ZNF385D: variants seen among roughly 807,000 people sequenced by gnomAD.
The protein encoded by ZNF385D is zinc finger protein 659.
Under a neutral mutation model 35.8 loss-of-function variants are expected in ZNF385D, and 15 were observed. That is an observed-to-expected ratio of 0.42 (90% CI 0.28 to 0.64). The LOEUF is 0.64. Among genes scored for constraint, ZNF385D ranks in the 30% least tolerant of loss-of-function variants. ZNF385D has a pLI of 0.23. For missense variants in ZNF385D, 474 were observed against 494.6 expected, an observed-to-expected ratio of 0.96 and a Z score of 0.39; for synonymous variants, 212 against 186.8, an observed-to-expected ratio of 1.13 and a Z score of -1.10.
At chr3:22,123,733 C>A (rs968439381) in intron 3 of ZNF385D, among the ~76,000 whole-genome samples, 1 of 151,944 alleles carries the variant, frequency 6.6e-6, no homozygotes, top group Non-Finnish European at 1.5e-5. Flanking sequence ...TGGTGGTGGG[C>A]ACCTGTAATC....
At chr3:21,673,215 G>T (rs1418295017) in intron 1 of ZNF385D, among the ~76,000 whole-genome samples, 1 of 152,078 alleles carries the variant, frequency 6.6e-6, no homozygotes, top group African/African-American at 2.4e-5. Context: ...ACAGTCACAT[G>T]TGACTATTTT....
chr3:21,584,647 A>C (rs1006516746), intron 2 of ZNF385D, among the ~76,000 whole-genome samples: 2 of 152,128 alleles, frequency 1.3e-5, no homozygotes, highest in Admixed American at 6.5e-5. Flanking sequence ...TACATATATA[A>C]ACCATGTTTT....
chr3:21,756,163 C>T (rs1030639025), upstream of ZNF385D, among the ~76,000 whole-genome samples: 4 of 152,180 alleles, frequency 2.6e-5, no homozygotes, highest in South Asian at 6.2e-4. Flanking sequence ...GTTAGGAAGC[C>T]TTTGTAGTAA....
intron 3 of ZNF385D, among the ~76,000 whole-genome samples, chr3:21,527,394 A>G (rs1298493386): frequency 2.0e-5 from 3 of 152,296 alleles, no homozygotes; most frequent in African/African-American, 4.8e-5. Context: ...GCAGTTCTCA[A>G]CTAGGCCCCG....
chr3:21,896,934 G>GA (rs1559733383), intron 3 of ZNF385D, among the ~76,000 whole-genome samples: 1 of 151,728 alleles, frequency 6.6e-6, no homozygotes, highest in East Asian at 1.9e-4. Context: ...AAAACTTTAA[G>GA]AAAAAAACTG....
At chr3:22,122,276 C>A (rs1006412999) in intron 3 of ZNF385D, among the ~76,000 whole-genome samples, 11 of 152,122 alleles carry the variant, frequency 7.2e-5, no homozygotes, top group Non-Finnish European at 1.5e-4. Flanking sequence ...GCATCAGGAC[C>A]TGCATTCGGC....
intron 5 of ZNF385D, among the ~76,000 whole-genome samples, chr3:21,426,347 C>T (rs1042445815): frequency 6.6e-6 from 1 of 152,100 alleles, no homozygotes; most frequent in African/African-American, 2.4e-5. Context: ...AGCATATACA[C>T]GATGGATAAC....
At chr3:21,852,558 C>T (rs971984095) in intron 3 of ZNF385D, among the ~76,000 whole-genome samples, 1 of 151,830 alleles carries the variant, frequency 6.6e-6, no homozygotes, top group Non-Finnish European at 1.5e-5. Flanking sequence ...ATTACTTTAT[C>T]AAAAGAATTC....
At chr3:22,096,655 A>T (rs747915874) in intron 3 of ZNF385D, among the ~76,000 whole-genome samples, 1 of 152,078 alleles carries the variant, frequency 6.6e-6, no homozygotes, top group Non-Finnish European at 1.5e-5. Context: ...AATCAAAAAG[A>T]CACCCCTGTA....
intron 3 of ZNF385D, among the ~76,000 whole-genome samples, chr3:22,007,238 A>T (rs1281771281): frequency 6.6e-6 from 1 of 152,202 alleles, no homozygotes. Context: ...TTTTGTAAAA[A>T]TAAGCAATGC....
intron 3 of ZNF385D, among the ~76,000 whole-genome samples, chr3:22,142,942 G>A (rs1704606478): frequency 6.6e-6 from 1 of 151,862 alleles, no homozygotes; most frequent in African/African-American, 2.4e-5. Context: ...ACTATTACTT[G>A]TAGTTTCCTT....
chr3:21,924,402 A>G (rs1482212637), intron 3 of ZNF385D, among the ~76,000 whole-genome samples: 1 of 152,218 alleles, frequency 6.6e-6, no homozygotes, highest in Non-Finnish European at 1.5e-5. Context: ...AGATGAAAAA[A>G]GCCCTAACAA....
At chr3:21,592,557 C>CAAAAAAAAAAAAAAAAAAAA (rs67997432) in intron 2 of ZNF385D, among the ~76,000 whole-genome samples, 1 of 114,864 alleles carries the variant, frequency 8.7e-6, no homozygotes, top group Non-Finnish European at 1.8e-5. Context: ...AAAAAAAAAC[C>CAAAAAAAAAAAAAAAAAAAA]AAAAACAAAA....
At chr3:21,875,158 C>T (rs886594759) in intron 3 of ZNF385D, among the ~76,000 whole-genome samples, 9 of 151,926 alleles carry the variant, frequency 5.9e-5, no homozygotes, top group South Asian at 2.1e-4. Context: ...GTGTGAAGTA[C>T]GTATGGTTTT....
At chr3:21,424,317 A>ATATATATTTATATATATATATATATATAT (rs1221923155) in intron 6 of ZNF385D, among the ~76,000 whole-genome samples, 3 of 63,814 alleles carry the variant, frequency 4.7e-5, no homozygotes, top group African/African-American at 6.1e-5. Context: ...ATATATATAT[A>ATATATATTTATATATATATATATATATAT]TTTTTTTTTT....
At chr3:21,657,784 T>A (rs1310758659) in intron 2 of ZNF385D, among the ~76,000 whole-genome samples, 1 of 152,006 alleles carries the variant, frequency 6.6e-6, no homozygotes, top group East Asian at 1.9e-4. Flanking sequence ...TAGTTATTAA[T>A]GTGTAAACTG....
At chr3:22,171,106 T>C (rs1398639069) in intron 2 of ZNF385D, among the ~76,000 whole-genome samples, 1 of 127,434 alleles carries the variant, frequency 7.8e-6, no homozygotes, top group Non-Finnish European at 1.7e-5. Context: ...ATGATGACCA[T>C]TTATTATGAA....
chr3:21,527,483 G>T (rs1365307127), intron 3 of ZNF385D, among the ~76,000 whole-genome samples: 1 of 152,084 alleles, frequency 6.6e-6, no homozygotes, highest in Admixed American at 6.5e-5. Context: ...TTAATAGAAA[G>T]GTTATAGAAA....
At chr3:22,003,918 A>G (rs1287859452) in intron 3 of ZNF385D, among the ~76,000 whole-genome samples, 1 of 150,752 alleles carries the variant, frequency 6.6e-6, no homozygotes, top group Non-Finnish European at 1.5e-5. Flanking sequence ...AAATAGAACC[A>G]CAAAAGACCC....
Sources: allele counts gnomAD v4.1 joint callset (sites outside exome capture counted in the v4.1 genomes callset), GRCh38; gene constraint gnomAD v4.1.1; transcripts MANE v1.5; gene names NCBI Gene and HGNC (gene_info 2026-07-23, HGNC 2026-07-21).